The following PRRC2C variants were observed in gnomAD, a reference collection of about 807,000 sequenced individuals.
PRRC2C encodes proline rich coiled-coil 2C.
In PRRC2C, 72 loss-of-function variants were observed where a neutral mutation model predicts 317.2. The observed-to-expected ratio is 0.23, with a 90% CI of 0.19 to 0.28. PRRC2C has a LOEUF of 0.28. Ranked by LOEUF, PRRC2C falls within the 10% of genes least tolerant of loss-of-function variation. The probability of loss-of-function intolerance (pLI) is 1.00; values close to 1 mark genes in which losing one functional copy is unlikely to be tolerated. For missense variants in PRRC2C, 3,074 were observed against 3,459.7 expected (o/e 0.89, Z 2.80); for synonymous variants, 1,296 against 1,205.9 (o/e 1.07, Z -1.55).
intron 18 of PRRC2C, 65 bp from the exon 19 acceptor site, chr1:171,557,175 T>C (rs1307204543): frequency 2.7e-5 from 40 of 1,463,548 alleles, no homozygotes; most frequent in Non-Finnish European, 3.6e-5. Context: ...TGTTAAAAGT[T>C]GCATTTATGA....
At chr1:171,516,241 T>A (rs1397399835) in intron 5 of PRRC2C, among the ~76,000 whole-genome samples, 2 of 152,164 alleles carry the variant, frequency 1.3e-5, no homozygotes, top group African/African-American at 4.8e-5. Flanking sequence ...GAGCTCAAAC[T>A]GAGGAAACAA....
intron 1 of PRRC2C, among the ~76,000 whole-genome samples, chr1:171,501,391 A>G (rs961405444): frequency 6.6e-6 from 1 of 152,200 alleles, no homozygotes; most frequent in African/African-American, 2.4e-5. Flanking sequence ...TTGGCCTCCC[A>G]AAGTGCTGGC....
At chr1:171,586,062 G>GTTTTTTTT (rs78928878) in intron 30 of PRRC2C, among the ~76,000 whole-genome samples, 11 of 43,486 alleles carry the variant, frequency 2.5e-4, no homozygotes, top group Non-Finnish European at 4.4e-4. Flanking sequence ...GTCAGGTGTT[G>GTTTTTTTT]ATTTTTTTTT....
intron 19 of PRRC2C, among the ~76,000 whole-genome samples, chr1:171,559,617 A>G (rs1009092463): frequency 2.1e-5 from 3 of 142,188 alleles, no homozygotes; most frequent in Non-Finnish European, 4.5e-5. Context: ...CGCCTCCCGG[A>G]TTCAAGCAAT....
chr1:171,541,859 A>G lies in PRRC2C; in HGVS notation c.4393A>G (p.Asn1465Asp). The change falls in exon 16 of 35, where the codon AAT becomes GAT. Residue 1465 changes from asparagine (N) to aspartate (D), a missense_variant. This residue lies in a region of PRRC2C where 1,320 missense variants were observed against 1,395.7 expected (regional missense o/e 0.95). Coordinates refer to ENST00000647382, the MANE Select transcript of PRRC2C (RefSeq NM_001387844.1). This position sits in a 1 kb window ranked among gnomAD's most constrained non-coding sequence, Gnocchi z 4.1. ...AGTGCCCACAAATGGCACAGTTAAT[A>G]ATGTGGCTCAAGAACCAGTTAATAC... ...VAVPTNGTVN[N>D]VAQEPVNTLG... 1 of 1,613,898 alleles carries G rather than the reference A, an allele frequency of 6.2e-7. No homozygotes were observed. The highest frequency in any genetic ancestry group is 8.5e-7 in the Non-Finnish European group (1 of 1,179,886).
intron 1 of PRRC2C, among the ~76,000 whole-genome samples, chr1:171,505,091 G>A (rs1669929145): frequency 6.7e-6 from 1 of 149,452 alleles, no homozygotes; most frequent in African/African-American, 2.5e-5. Flanking sequence ...GCAATGGCAC[G>A]ATCTCTGCTC....
intron 25 of PRRC2C, among the ~76,000 whole-genome samples, chr1:171,576,838 A>G (rs534221609): frequency 6.6e-6 from 1 of 152,138 alleles, no homozygotes; most frequent in African/African-American, 2.4e-5. Flanking sequence ...GACTACAGGC[A>G]CCACCATGCC....
intron 30 of PRRC2C, 39 bp from the exon 31 acceptor site, chr1:171,586,964 G>GA (rs1650184904): frequency 6.9e-7 from 1 of 1,451,918 alleles, no homozygotes; most frequent in African/African-American, 1.4e-5. Flanking sequence ...GTAGTAAACA[G>GA]AAACAAATTG....
intron 18 of PRRC2C, among the ~76,000 whole-genome samples, chr1:171,556,295 G>A (rs1294333417): frequency 1.3e-5 from 2 of 152,234 alleles, no homozygotes; most frequent in Non-Finnish European, 2.9e-5. Context: ...GCAGTATTAG[G>A]GCGGGAGTCC....
intron 3 of PRRC2C, chr1:171,513,392 A>T (rs1671733528): frequency 1.5e-6 from 1 of 645,608 alleles, no homozygotes; most frequent in Admixed American, 2.1e-5. Flanking sequence ...TGGGAATCAC[A>T]ACCTTGCTTA....
rs1678020754 is a variant in PRRC2C, at chr1:171,541,909, G to C, written c.4443G>C (p.Lys1481Asn). The C allele has an allele frequency of 6.2e-7, 1 of 1,613,608 alleles. No individual in the cohort carries two copies. The highest frequency in any genetic ancestry group is 1.3e-5 in the African/African-American group (1 of 74,856). ...CTCTTGGGGATATTTCCGGGAATAA[G>C]ACACCAGATTTATCTAATCAGAACT... ...VNTLGDISGN[K>N]TPDLSNQNSS... Residue 1481 changes from lysine (K) to asparagine (N), a missense_variant, in exon 16 of 35, where the codon AAG becomes AAC. Transcript: ENST00000647382. This position sits in a 1 kb window ranked among gnomAD's most constrained non-coding sequence, Gnocchi z 4.1.
chr1:171,567,960 G>A (rs902618493), intron 22 of PRRC2C, among the ~76,000 whole-genome samples: 6 of 152,306 alleles, frequency 3.9e-5, no homozygotes, highest in Admixed American at 2.6e-4. Flanking sequence ...GCTGAGGCAG[G>A]CAGATCACTT....
chr1:171,523,163 T>G, intron 7 of PRRC2C, 58 bp from the exon 8 acceptor site: 1 of 1,452,286 alleles, frequency 6.9e-7, no homozygotes, highest in East Asian at 2.4e-5. Context: ...TCTTTTAGTA[T>G]TCTCCCAGTT....
At chr1:171,577,787 T>TTC in intron 26 of PRRC2C, 150 bp downstream of exon 26, 1 of 798,318 alleles carries the variant, frequency 1.3e-6, no homozygotes, top group Non-Finnish European at 1.9e-6. Flanking sequence ...TTTTTTTTTT[T>TTC]TTTTTTTTGA....
chr1:171,577,093 A>AT (rs1437102115), intron 25 of PRRC2C, among the ~76,000 whole-genome samples: 1 of 152,150 alleles, frequency 6.6e-6, no homozygotes, highest in Non-Finnish European at 1.5e-5. Context: ...GAAGCTCTTG[A>AT]TTATATATCC....
chr1:171,512,812 C>A, intron 2 of PRRC2C, 183 bp from the exon 3 acceptor site: 1 of 515,692 alleles, frequency 1.9e-6, no homozygotes, highest in Non-Finnish European at 3.2e-6. Context: ...TGTTAAATGG[C>A]TTGATTTCTA....
intron 19 of PRRC2C, among the ~76,000 whole-genome samples, chr1:171,558,384 G>GT (rs1459628945): frequency 6.6e-6 from 1 of 151,324 alleles, no homozygotes; most frequent in African/African-American, 2.4e-5. Context: ...TGTTTGGGGG[G>GT]GTCTTGTACA....
At chr1:171,574,608 T>C (rs72717841) in intron 24 of PRRC2C, among the ~76,000 whole-genome samples, 1,925 of 152,254 alleles carry the variant, frequency 0.013, 21 homozygotes, top group Non-Finnish European at 0.021. Context: ...TTAAGAAGCA[T>C]TGGAGTAAAA....
chr1:171,572,163 T>A (rs1439249164), intron 24 of PRRC2C, among the ~76,000 whole-genome samples: 1 of 152,150 alleles, frequency 6.6e-6, no homozygotes, highest in African/African-American at 2.4e-5. Context: ...AAAAAAAATT[T>A]TTTTTAAATA....
Sources: allele counts gnomAD v4.1 joint callset (sites outside exome capture counted in the v4.1 genomes callset), GRCh38; gene constraint gnomAD v4.1.1; regional missense constraint gnomAD v4.1.1; non-coding constraint Gnocchi (gnomAD v3.1); transcripts MANE v1.5; gene names NCBI Gene and HGNC (gene_info 2026-07-23, HGNC 2026-07-21).